HECW1: variants seen among roughly 807,000 people sequenced by gnomAD.
The protein encoded by HECW1 is E3 ubiquitin-protein ligase HECW1.
In HECW1, 61 loss-of-function variants were observed where a neutral mutation model predicts 182.3. The ratio of observed to expected loss-of-function variants is 0.33; its 90% CI spans 0.27 to 0.41. The LOEUF (loss-of-function observed/expected upper bound fraction) is 0.41. Among genes scored for constraint, HECW1 ranks in the 10% least tolerant of loss-of-function variants. The pLI, the probability that HECW1 is intolerant of heterozygous loss-of-function variation, is 1.00. For missense variants in HECW1, 1,739 were observed against 2,108.9 expected (o/e 0.82, Z 3.44); for synonymous variants, 859 against 832.6 (o/e 1.03, Z -0.55).
intron 2 of HECW1, among the ~76,000 whole-genome samples, chr7:43,234,013 G>A (rs1467101389): frequency 6.6e-6 from 1 of 152,242 alleles, no homozygotes; most frequent in East Asian, 1.9e-4. Flanking sequence ...GAGATGAGCA[G>A]GTGAGGAGCA....
At chr7:43,523,689 A>C (rs2152940917) in intron 24 of HECW1, among the ~76,000 whole-genome samples, 1 of 152,284 alleles carries the variant, frequency 6.6e-6, no homozygotes, top group South Asian at 2.1e-4. Context: ...GAGGGAAATA[A>C]ATGGCAAGTG....
intron 17 of HECW1, among the ~76,000 whole-genome samples, chr7:43,488,460 G>GAAAGAAAGA (rs2078784846): frequency 6.8e-6 from 1 of 146,178 alleles, no homozygotes; most frequent in Non-Finnish European, 1.5e-5. Flanking sequence ...AAGAAAGAAA[G>GAAAGAAAGA]AAAGAAAGAA....
At chr7:43,462,377 G>T (rs557509211) in intron 13 of HECW1, among the ~76,000 whole-genome samples, 1 of 151,832 alleles carries the variant, frequency 6.6e-6, no homozygotes, top group Non-Finnish European at 1.5e-5. Flanking sequence ...ATCTGGCCCT[G>T]CCTGGTTTTT....
Position 43,561,931 on chromosome 7 carries a change from A to T in HECW1, c.*5A>T. 6.5e-7 allele frequency: 1 copy of T among 1,549,778 alleles called. No homozygotes were observed. The highest frequency in any genetic ancestry group is 8.9e-7 in the Non-Finnish European group (1 of 1,121,432). On this transcript the variant is annotated 3_prime_UTR_variant, in exon 30 of 30. Coordinates refer to ENST00000395891, the MANE Select transcript of HECW1 (RefSeq NM_015052.5). The stretch of plus-strand genomic sequence containing the variant: ...AGCACCTTTGGACTTGAGTGAGGAC[A>T]TGGAACCTCGCCTGACATTTTCCTG...
At position 43,500,790 on chromosome 7, in the gene HECW1, G is replaced by A. The variant is rs763469681; in HGVS notation, c.3521+8G>A. On this transcript the variant is annotated splice_region_variant and intron_variant, in intron 20 of 29. Coordinates refer to ENST00000395891, the MANE Select transcript of HECW1 (RefSeq NM_015052.5). ...TCTGGTCATTTTGCTGAGGTAGGGG[G>A]CTAGGCCTGAAATCCTTCTGGAAAA... 1.9e-6 allele frequency: 3 copies of A among 1,611,476 alleles called. No homozygotes were observed. The South Asian group carries it at 3.3e-5, about 18-fold the overall frequency.
intron 9 of HECW1, chr7:43,439,773 C>T (rs1438217612): frequency 6.6e-6 from 1 of 152,328 alleles, no homozygotes; most frequent in Admixed American, 6.5e-5. Context: ...TGGAAAGGCA[C>T]ATCCCCAGCT....
intron 8 of HECW1, among the ~76,000 whole-genome samples, chr7:43,426,777 G>T (rs1256019223): frequency 1.3e-5 from 2 of 151,872 alleles, no homozygotes; most frequent in Non-Finnish European, 2.9e-5. Context: ...TCAATTATTT[G>T]TTATTTATTC....
chr7:43,125,342 G>A (rs1032166467), intron 2 of HECW1, among the ~76,000 whole-genome samples: 1 of 152,154 alleles, frequency 6.6e-6, no homozygotes, highest in African/African-American at 2.4e-5. Flanking sequence ...ACTAAAATCT[G>A]AATGTGGCAG....
chr7:43,331,234 T>C (rs1009381832), intron 5 of HECW1, among the ~76,000 whole-genome samples: 4 of 148,788 alleles, frequency 2.7e-5, no homozygotes, highest in African/African-American at 7.5e-5. Context: ...GAACATGTGG[T>C]GTTTGGTTTT....
At chr7:43,367,846 C>T (rs1388334587) in intron 6 of HECW1, among the ~76,000 whole-genome samples, 1 of 152,018 alleles carries the variant, frequency 6.6e-6, no homozygotes, top group Non-Finnish European at 1.5e-5. Flanking sequence ...GCTGAGAATC[C>T]ACATCACATT....
intron 3 of HECW1, among the ~76,000 whole-genome samples, chr7:43,302,321 C>T (rs1324265317): frequency 2.6e-5 from 4 of 152,226 alleles, no homozygotes; most frequent in East Asian, 3.8e-4. Flanking sequence ...CTGCTGCTCC[C>T]CTGCTGCGTG....
intron 7 of HECW1, among the ~76,000 whole-genome samples, chr7:43,401,119 T>A (rs2075390221): frequency 6.6e-6 from 1 of 152,214 alleles, no homozygotes; most frequent in African/African-American, 2.4e-5. Context: ...TAAGGTAACA[T>A]ATTCATAGGC....
intron 2 of HECW1, among the ~76,000 whole-genome samples, chr7:43,177,506 C>T (rs577817338): frequency 1.3e-5 from 2 of 152,302 alleles, no homozygotes; most frequent in South Asian, 2.1e-4. Flanking sequence ...TGCTGTCTTC[C>T]AGCCAGGGTT....
intron 17 of HECW1, among the ~76,000 whole-genome samples, chr7:43,483,970 C>T (rs188913757): frequency 4.3e-4 from 66 of 152,132 alleles, no homozygotes; most frequent in African/African-American, 1.1e-3. Context: ...GGGATGAGGC[C>T]GAGTTGAGGT....
intron 19 of HECW1, among the ~76,000 whole-genome samples, chr7:43,499,179 G>A (rs111615751): frequency 5.3e-5 from 8 of 152,100 alleles, no homozygotes; most frequent in African/African-American, 1.7e-4. Flanking sequence ...TACATGGGGG[G>A]ACTGAGGCAG....
chr7:43,420,238 A>G (rs6955122), intron 8 of HECW1, among the ~76,000 whole-genome samples: 4,294 of 152,286 alleles, frequency 0.028, 192 homozygotes, highest in African/African-American at 0.098. Flanking sequence ...GGAAGTTACT[A>G]TTTATTCCTA....
rs200076235 is a variant in HECW1, at chr7:43,508,029, G to A, written c.3764G>A (p.Arg1255His). Reference sequence around the variant, plus strand: ...CTTCTCCTTCTCAGGCTCATTATTCGCCGGGATCATTTGTTGGAGGGAACC... The same window carrying A: ...CTTCTCCTTCTCAGGCTCATTATTCACCGGGATCATTTGTTGGAGGGAACC... ...QGPGKIKLIIRRDHLLEGTFN... is the reference protein window; with the variant it reads ...QGPGKIKLIIHRDHLLEGTFN... The change falls in exon 23 of 30, where the codon CGC becomes CAC. Residue 1255 changes from arginine to histidine, a missense_variant. This residue lies in a region of HECW1 where 420 missense variants were observed against 595.7 expected (regional missense o/e 0.71). Coordinates refer to ENST00000395891, the MANE Select transcript of HECW1 (RefSeq NM_015052.5). 94 of 1,613,174 alleles carry A rather than the reference G, an allele frequency of 5.8e-5. No individual in the cohort carries two copies. Among genetic ancestry groups the A allele is most frequent in the Non-Finnish European group, 7.5e-5 (89 of 1,179,378 alleles).
intron 3 of HECW1, among the ~76,000 whole-genome samples, chr7:43,272,696 AG>A (rs1237814568): frequency 6.6e-6 from 1 of 152,182 alleles, no homozygotes; most frequent in Non-Finnish European, 1.5e-5. Flanking sequence ...TGTGGAGAAA[AG>A]GGAACATTTA....
At position 43,450,968 on chromosome 7, in the gene HECW1, C is replaced by G. The variant is rs566965234; in HGVS notation, c.2500+39C>G. The G allele has an allele frequency of 5.2e-6, 7 of 1,336,754 alleles. No homozygotes were observed. The East Asian group carries it at 1.6e-4, about 31-fold the overall frequency. 82.8% of individuals were successfully genotyped at this position (1,336,754 alleles called of 1,614,324 possible). A position where few individuals can be genotyped will look rare whatever the true frequency, so the allele number is the denominator to read the frequency against. On this transcript the variant is annotated intron_variant, in intron 12 of 29. Transcript: ENST00000395891. ...TTTAAAATCTGTGTCTTAACTCTTC[C>G]TATCAAGTCTAAGCAGGTCAGTATG...
Sources: gnomAD v4.1 joint callset for allele counts (sites outside exome capture counted in the v4.1 genomes callset) on GRCh38, gnomAD v4.1.1 for gene constraint, gnomAD v4.1.1 regional missense constraint, MANE v1.5 for transcripts, NCBI Gene and HGNC (gene_info 2026-07-23, HGNC 2026-07-21) for gene names.